The following FHIT variants were observed in gnomAD, a reference collection of about 807,000 sequenced individuals.
FHIT encodes the protein bis(5'-adenosyl)-triphosphatase.
A neutral mutation model predicts 17.9 loss-of-function variants in FHIT; 19 were observed. The observed-to-expected ratio is 1.06, with a 90% confidence interval of 0.74 to 1.56. FHIT has a LOEUF of 1.56. Ranked by LOEUF, FHIT falls within the 40% of genes most tolerant of loss-of-function variation. FHIT has a pLI of 0.00. For synonymous variants in FHIT, 81 were observed against 69.7 expected (o/e 1.16, Z -0.81); for missense variants, 248 against 189.2 (o/e 1.31, Z -1.82).
intron 3 of FHIT, among the ~76,000 whole-genome samples, chr3:60,903,486 C>A (rs1706229241): frequency 6.6e-6 from 1 of 152,194 alleles, no homozygotes; most frequent in African/African-American, 2.4e-5. Context: ...GAAACTAGTG[C>A]ACACTTCTAA....
intron 5 of FHIT, among the ~76,000 whole-genome samples, chr3:60,043,665 T>TAGAC (rs1392038036): frequency 2.4e-5 from 3 of 125,094 alleles, no homozygotes; most frequent in Non-Finnish European, 5.6e-5. Context: ...GTGCATGTTA[T>TAGAC]AGATAGACAG....
chr3:60,348,249 A>C (rs1330004920), intron 5 of FHIT, among the ~76,000 whole-genome samples: 4 of 152,218 alleles, frequency 2.6e-5, no homozygotes, highest in Admixed American at 2.6e-4. Context: ...TTAGCAAAGG[A>C]GAGTTTTTAG....
At chr3:60,971,179 C>T (rs1403145839) in intron 3 of FHIT, among the ~76,000 whole-genome samples, 1 of 152,022 alleles carries the variant, frequency 6.6e-6, no homozygotes, top group East Asian at 1.9e-4. Context: ...ACCAGTCTGT[C>T]CAACATGGTA....
chr3:60,353,034 G>A (rs1450845678), intron 5 of FHIT, among the ~76,000 whole-genome samples: 1 of 152,102 alleles, frequency 6.6e-6, no homozygotes, highest in Non-Finnish European at 1.5e-5. Flanking sequence ...TGATTTGTTT[G>A]GAGATCAGTT....
intron 4 of FHIT, among the ~76,000 whole-genome samples, chr3:60,781,437 G>T (rs1327084687): frequency 3.3e-5 from 5 of 152,062 alleles, no homozygotes; most frequent in Non-Finnish European, 5.9e-5. Context: ...AGGACAAATG[G>T]CATATCAAGT....
chr3:60,667,369 TATCTC>T (rs2040405386), intron 4 of FHIT, among the ~76,000 whole-genome samples: 1 of 152,144 alleles, frequency 6.6e-6, no homozygotes, highest in Non-Finnish European at 1.5e-5. Context: ...TACCCTCTCT[TATCTC>T]TAATTAACAG....
In FHIT at chr3:60,007,137, A is replaced by C. The variant is rs928697536; in HGVS notation, c.279+4234T>G. Among the ~76,000 whole-genome samples the C allele has an allele frequency of 4.6e-5, 7 of 152,194 alleles. No homozygotes were observed. In the East Asian group the frequency reaches 1.3e-3, roughly 29 times the overall value. On this transcript the variant is annotated intron_variant, in intron 7 of 9. Transcript: ENST00000492590. ...ATTCCAGATTACCTGCCTGGAATAA[A>C]TCTGTCCTTAATATACCTAAAACCG...
At chr3:60,589,031 C>G (rs1229810161) in intron 4 of FHIT, among the ~76,000 whole-genome samples, 4 of 151,982 alleles carry the variant, frequency 2.6e-5, no homozygotes, top group African/African-American at 9.7e-5. Context: ...CTCGTTGGAG[C>G]CTATGGGTTC....
intron 5 of FHIT, among the ~76,000 whole-genome samples, chr3:60,415,742 A>T (rs1016070878): frequency 1.3e-5 from 2 of 151,596 alleles, no homozygotes; most frequent in African/African-American, 4.8e-5. Context: ...TAAAAAAAAA[A>T]AAAAAAGTCT....
At position 60,091,571 on chromosome 3, in the gene FHIT, G is replaced by A. The variant is rs548762404; in HGVS notation, c.104-77419C>T. 1.8e-4 allele frequency among the ~76,000 whole-genome samples: 27 copies of A among 152,246 alleles called. 1 individual carries two copies. The highest frequency in any genetic ancestry group is 1.7e-3 in the Admixed American group (26 of 15,292). ...TTACTGTATGATATGGTTTGAATCT[G>A]TGTCCCTGCCCAAATTTCACGTGGG... On this transcript the variant is annotated intron_variant, in intron 5 of 9. Coordinates refer to ENST00000492590, the MANE Select transcript of FHIT (RefSeq NM_002012.4).
chr3:60,758,385 G>T (rs185866256), intron 4 of FHIT, among the ~76,000 whole-genome samples: 2 of 152,278 alleles, frequency 1.3e-5, no homozygotes, highest in Admixed American at 1.3e-4. Context: ...GTTTCCTGTG[G>T]GGCTGACTGA....
intron 4 of FHIT, among the ~76,000 whole-genome samples, chr3:60,783,195 C>G (rs1559718733): frequency 6.6e-6 from 1 of 152,020 alleles, no homozygotes; most frequent in African/African-American, 2.4e-5. Context: ...TGCCCAGGCT[C>G]TCACTGGGTC....
rs113258290 is a variant in FHIT at position 60,288,897 on chromosome 3, T to C, written c.103+247963A>G. On this transcript the variant is annotated intron_variant, in intron 5 of 9. Transcript: ENST00000492590. Reference sequence around the variant, plus strand: ...TGGGATACATATAATAACTGAAATATGATTAGACAGTATCTGTGATTTCTA... The same window carrying C: ...TGGGATACATATAATAACTGAAATACGATTAGACAGTATCTGTGATTTCTA... 6.5e-3 allele frequency among the ~76,000 whole-genome samples: 985 copies of C among 152,278 alleles called. 11 individuals are homozygous for C. Among genetic ancestry groups the C allele is most frequent in the African/African-American group, 0.022 (917 of 41,558 alleles).
At chr3:60,185,336 T>C (rs926535744) in intron 5 of FHIT, among the ~76,000 whole-genome samples, 18 of 152,184 alleles carry the variant, frequency 1.2e-4, no homozygotes, top group African/African-American at 3.6e-4. Context: ...ATCTCCATGG[T>C]TTTGTCTTTA....
At chr3:60,316,640 T>G (rs1709178561) in intron 5 of FHIT, among the ~76,000 whole-genome samples, 1 of 152,170 alleles carries the variant, frequency 6.6e-6, no homozygotes, top group South Asian at 2.1e-4. Flanking sequence ...TGCTACAAAT[T>G]TGAATGAAAT....
At chr3:61,108,008 T>C (rs2036042174) in intron 2 of FHIT, among the ~76,000 whole-genome samples, 1 of 152,202 alleles carries the variant, frequency 6.6e-6, no homozygotes, top group Non-Finnish European at 1.5e-5. Context: ...AGGCTGAACT[T>C]AAAATATGTA....
intron 3 of FHIT, among the ~76,000 whole-genome samples, chr3:60,882,848 T>A (rs1705039175): frequency 6.6e-6 from 1 of 152,000 alleles, no homozygotes; most frequent in African/African-American, 2.4e-5. Flanking sequence ...CAACATAACA[T>A]TGGAAGTCCT....
intron 5 of FHIT, among the ~76,000 whole-genome samples, chr3:60,064,382 C>T (rs1490925385): frequency 6.6e-6 from 1 of 152,144 alleles, no homozygotes; most frequent in Non-Finnish European, 1.5e-5. Flanking sequence ...GCACCCCACC[C>T]CCAACCAAAC....
At chr3:60,118,865 A>G (rs1207250177) in intron 5 of FHIT, among the ~76,000 whole-genome samples, 1 of 150,328 alleles carries the variant, frequency 6.7e-6, no homozygotes, top group Non-Finnish European at 1.5e-5. Context: ...GATAATACAA[A>G]AAAAAAATAG....
Sources: gnomAD v4.1 joint callset for allele counts (sites outside exome capture counted in the v4.1 genomes callset) on GRCh38, gnomAD v4.1.1 for gene constraint, MANE v1.5 for transcripts, NCBI Gene and HGNC (gene_info 2026-07-23, HGNC 2026-07-21) for gene names.